Variants in NAALADL2 observed in about 807,000 individuals in gnomAD.
NAALADL2 encodes the protein N-acetylated alpha-linked acidic dipeptidase like 2.
NAALADL2 carries 76 observed loss-of-function variants against 87.2 expected under a neutral mutation model. The ratio of observed to expected loss-of-function variants is 0.87; its 90% CI spans 0.72 to 1.05. NAALADL2 has a LOEUF of 1.05. NAALADL2 is among the 50% of genes least tolerant of loss of function. NAALADL2 has a pLI of 0.00. For synonymous variants in NAALADL2, 354 were observed against 331.0 expected, an observed-to-expected ratio of 1.07 and a Z score of -0.75; for missense variants, 1,089 against 945.8, an observed-to-expected ratio of 1.15 and a Z score of -1.99.
chr3:175,139,934 G>A lies in NAALADL2; in HGVS notation c.545+42643G>A, dbSNP rs74505919. Among the ~76,000 whole-genome samples, 935 of 152,074 alleles carry A rather than the reference G, an allele frequency of 6.1e-3. 13 individuals are homozygous for A. Among genetic ancestry groups the A allele is most frequent in the African/African-American group, 0.021 (885 of 41,412 alleles). On this transcript the variant is annotated intron_variant, in intron 2 of 13. Coordinates refer to ENST00000454872, the MANE Select transcript of NAALADL2 (RefSeq NM_207015.3). ...AATATTTATATAGCGCTAATTGGGT[G>A]GTAAGGCAGTAGGGTAATGGACAAA...
intron 3 of NAALADL2, among the ~76,000 whole-genome samples, chr3:174,742,456 C>A (rs1439825606): frequency 6.6e-6 from 1 of 151,598 alleles, no homozygotes; most frequent in African/African-American, 2.4e-5. Context: ...TAGAGCCAAC[C>A]TAGTACCTAT....
intron 1 of NAALADL2, among the ~76,000 whole-genome samples, chr3:174,995,840 C>T (rs1231764560): frequency 1.5e-4 from 22 of 147,770 alleles, no homozygotes; most frequent in Non-Finnish European, 1.8e-4. Context: ...ATTCCAAAAA[C>T]GAATAACACC....
chr3:175,385,267 C>T (rs531987417), intron 5 of NAALADL2, among the ~76,000 whole-genome samples: 1 of 152,158 alleles, frequency 6.6e-6, no homozygotes, highest in Admixed American at 6.6e-5. Flanking sequence ...TCCCAATTTA[C>T]CCCAATTTTC....
At chr3:174,825,384 A>G (rs1429532824) in intron 3 of NAALADL2, among the ~76,000 whole-genome samples, 1 of 152,220 alleles carries the variant, frequency 6.6e-6, no homozygotes, top group Non-Finnish European at 1.5e-5. Context: ...TCCCATGTCC[A>G]AGTTAAGAAG....
At chr3:175,735,338 CTT>C (rs1428227928) in intron 11 of NAALADL2, among the ~76,000 whole-genome samples, 1 of 152,162 alleles carries the variant, frequency 6.6e-6, no homozygotes, top group African/African-American at 2.4e-5. Context: ...ATTTCCCTGT[CTT>C]TTTCTGAGCC....
In NAALADL2 at chr3:175,809,936, T is replaced by A. The variant is rs1755040235; in HGVS notation, c.*6733T>A. On this transcript the variant is annotated 3_prime_UTR_variant, in exon 14 of 14. Coordinates refer to ENST00000454872, the MANE Select transcript of NAALADL2 (RefSeq NM_207015.3). Reference sequence around the variant, plus strand: ...CCCAGGGTAAAATTTGGAGGAAAATTTTTCCAAATAAATTTGCTTTGATTA... The same window carrying A: ...CCCAGGGTAAAATTTGGAGGAAAATATTTCCAAATAAATTTGCTTTGATTA... 6.6e-6 allele frequency: 1 copy of A among 151,844 alleles called. No individual in the cohort carries two copies. The highest frequency in any genetic ancestry group is 1.5e-5 in the Non-Finnish European group (1 of 67,914). The allele number at this position is 151,844 out of a possible 1,614,324, so 9.4% of individuals were successfully genotyped here.
At chr3:174,618,836 A>T (rs1187169155) in intron 2 of NAALADL2, among the ~76,000 whole-genome samples, 4 of 152,044 alleles carry the variant, frequency 2.6e-5, no homozygotes, top group Non-Finnish European at 2.9e-5. Flanking sequence ...AGAAAAGTAT[A>T]CATTATCTTA....
At chr3:175,698,379 TTATGTATGTATACA>T (rs1738362004) in intron 11 of NAALADL2, among the ~76,000 whole-genome samples, 1 of 115,164 alleles carries the variant, frequency 8.7e-6, no homozygotes, top group African/African-American at 3.9e-5. Flanking sequence ...GTATGTGTAT[TTATGTATGTATACA>T]TATGTATGTG....
chr3:175,209,324 A>G (rs749541507), intron 2 of NAALADL2, among the ~76,000 whole-genome samples: 1 of 152,138 alleles, frequency 6.6e-6, no homozygotes, highest in Non-Finnish European at 1.5e-5. Context: ...AAGTGATGCT[A>G]TATTCCGTCT....
chr3:174,577,414 G>A (rs1560067819), intron 2 of NAALADL2, among the ~76,000 whole-genome samples: 2 of 152,156 alleles, frequency 1.3e-5, no homozygotes, highest in Admixed American at 6.6e-5. Context: ...ATTGTACAGT[G>A]ACCAGAAGTA....
chr3:175,495,073 C>CATATATATAT (rs372953738), intron 9 of NAALADL2, among the ~76,000 whole-genome samples: 1 of 126,180 alleles, frequency 7.9e-6, no homozygotes, highest in Non-Finnish European at 1.7e-5. Flanking sequence ...TAAGCAATCC[C>CATATATATAT]ATATATATAT....
intron 5 of NAALADL2, among the ~76,000 whole-genome samples, chr3:175,402,076 T>C (rs1770629071): frequency 6.6e-6 from 1 of 152,070 alleles, no homozygotes; most frequent in African/African-American, 2.4e-5. Flanking sequence ...TTGATATGAA[T>C]TAATAGGTTG....
At chr3:174,507,185 C>A (rs1719253010) in intron 1 of NAALADL2, among the ~76,000 whole-genome samples, 1 of 152,052 alleles carries the variant, frequency 6.6e-6, no homozygotes, top group Non-Finnish European at 1.5e-5. Context: ...TGATTTAAGG[C>A]AAAAGTTTAA....
chr3:175,522,910 G>A (rs540939170), intron 9 of NAALADL2, among the ~76,000 whole-genome samples: 3 of 152,180 alleles, frequency 2.0e-5, no homozygotes, highest in African/African-American at 7.2e-5. Flanking sequence ...CTGTATATAA[G>A]GTTCAATTGC....
chr3:174,676,395 G>A (rs1223058097), intron 2 of NAALADL2, among the ~76,000 whole-genome samples: 1 of 140,468 alleles, frequency 7.1e-6, no homozygotes, highest in Non-Finnish European at 1.6e-5. Flanking sequence ...ATCATAGCCA[G>A]TATTCTATGT....
intron 5 of NAALADL2, among the ~76,000 whole-genome samples, chr3:175,363,875 A>G (rs1363529161): frequency 6.7e-6 from 1 of 148,268 alleles, no homozygotes; most frequent in Non-Finnish European, 1.5e-5. Flanking sequence ...ATATTGGGAA[A>G]TAATGCATAT....
At chr3:175,096,639 T>G in intron 1 of NAALADL2, 151 bp from the exon 2 acceptor site, 2 of 400,200 alleles carry the variant, frequency 5.0e-6, no homozygotes, top group East Asian at 8.1e-5. Context: ...ATAAGATTAA[T>G]TAAATAAAAT....
chr3:174,986,769 C>A (rs1745936016), intron 1 of NAALADL2, among the ~76,000 whole-genome samples: 1 of 152,034 alleles, frequency 6.6e-6, no homozygotes, highest in Admixed American at 6.6e-5. Context: ...AAATTACTTA[C>A]TAATTAAATG....
intron 2 of NAALADL2, among the ~76,000 whole-genome samples, chr3:174,727,388 T>A (rs1202730220): frequency 6.6e-6 from 1 of 152,050 alleles, no homozygotes; most frequent in Non-Finnish European, 1.5e-5. Flanking sequence ...ATTGAATAAA[T>A]TGAACACATA....
Sources: allele counts gnomAD v4.1 joint callset (sites outside exome capture counted in the v4.1 genomes callset), GRCh38; gene constraint gnomAD v4.1.1; transcripts MANE v1.5; gene names NCBI Gene and HGNC (gene_info 2026-07-23, HGNC 2026-07-21).